Variants in BARX2 observed in about 807,000 individuals in gnomAD.
The protein encoded by BARX2 is BARX homeobox 2.
Under a neutral mutation model 25.5 loss-of-function variants are expected in BARX2, and 11 were observed. That is an observed-to-expected ratio of 0.43 (90% CI 0.27 to 0.71). The LOEUF is 0.71. BARX2 is among the 30% of genes least tolerant of loss of function. The probability of loss-of-function intolerance (pLI) is 0.19; values close to 1 mark genes in which losing one functional copy is unlikely to be tolerated. For missense variants in BARX2, 360 were observed against 359.9 expected (o/e 1.00, Z 0.00); for synonymous variants, 137 against 149.5 (o/e 0.92, Z 0.61).
intron 1 of BARX2, among the ~76,000 whole-genome samples, chr11:129,424,314 A>C (rs948223665): frequency 1.3e-5 from 2 of 152,200 alleles, no homozygotes; most frequent in Admixed American, 1.3e-4. Flanking sequence ...TCAAACTGTA[A>C]GCCTCATGTT....
chr11:129,435,891 A>G (rs916925108), intron 1 of BARX2, among the ~76,000 whole-genome samples: 3 of 152,218 alleles, frequency 2.0e-5, no homozygotes, highest in Non-Finnish European at 4.4e-5. Context: ...TATAACTGGT[A>G]TGTATGCCAC....
chr11:129,451,026 T>G, intron 3 of BARX2, 110 bp from the exon 4 acceptor site: 2 of 1,393,342 alleles, frequency 1.4e-6, no homozygotes, highest in Non-Finnish European at 2.0e-6. Flanking sequence ...ATCCTGCAAT[T>G]TCACTGCTGG....
intron 1 of BARX2, among the ~76,000 whole-genome samples, chr11:129,416,058 G>A (rs780476715): frequency 2.0e-5 from 3 of 152,208 alleles, no homozygotes; most frequent in Non-Finnish European, 4.4e-5. Flanking sequence ...ACTTTTATAG[G>A]AAAGGTTGGA....
intron 2 of BARX2, among the ~76,000 whole-genome samples, chr11:129,440,795 G>T (rs767887930): frequency 6.6e-6 from 1 of 152,182 alleles, no homozygotes; most frequent in Non-Finnish European, 1.5e-5. Flanking sequence ...ATCTCCCCAG[G>T]TGGAGAGCTG....
chr11:129,451,645 A>G lies in BARX2; in HGVS notation c.*243A>G, dbSNP rs972859222. Reference sequence around the variant, plus strand: ...AGCTGTGGATGCCCTTGATTAAGGGAGAGAGCGCCTAGGAGCTGCCTGCCC... The same window carrying G: ...AGCTGTGGATGCCCTTGATTAAGGGGGAGAGCGCCTAGGAGCTGCCTGCCC... On this transcript the variant is annotated 3_prime_UTR_variant, in exon 4 of 4. Transcript: ENST00000281437. The G allele has an allele frequency of 5.6e-6, 3 of 533,898 alleles. No individual in the cohort carries two copies. The highest frequency in any genetic ancestry group is 9.9e-6 in the Non-Finnish European group (3 of 303,956). 33.1% of individuals were successfully genotyped at this position (533,898 alleles called of 1,614,324 possible).
chr11:129,396,311 A>G (rs1196089086), intron 1 of BARX2, among the ~76,000 whole-genome samples: 1 of 151,300 alleles, frequency 6.6e-6, no homozygotes, highest in Non-Finnish European at 1.5e-5. Flanking sequence ...CTCTTACTTG[A>G]CGTCTCCCTG....
chr11:129,444,969 C>G (rs1862306726), intron 3 of BARX2, among the ~76,000 whole-genome samples: 1 of 151,868 alleles, frequency 6.6e-6, no homozygotes, highest in Non-Finnish European at 1.5e-5. Flanking sequence ...CCATTGCTCT[C>G]CAGTCTGGGC....
In BARX2 at chr11:129,376,248, T is replaced by TGG. The variant is rs777761628; in HGVS notation, c.187+29_187+30dup. 28 of 1,574,994 alleles carry TGG rather than the reference T, an allele frequency of 1.8e-5. No homozygotes were observed. The highest frequency in any genetic ancestry group is 2.2e-5 in the Non-Finnish European group (26 of 1,159,896). On this transcript the variant is annotated intron_variant, in intron 1 of 3. Transcript: ENST00000281437. The surrounding 1 kb of genome is among the most constrained non-coding windows in gnomAD (Gnocchi z 4.2). ...GTAAGACGCTCCGCTAGGGGATAAG[T>TGG]GGGGTTCGGTAGCTTTCACGTCCGT... is the stretch of plus-strand genomic sequence containing the variant.
At chr11:129,375,258 G>A (rs1431625426), upstream of BARX2, among the ~76,000 whole-genome samples, 1 of 152,184 alleles carries the variant, frequency 6.6e-6, no homozygotes, top group Non-Finnish European at 1.5e-5. This position sits in a 1 kb window ranked among gnomAD's most constrained non-coding sequence, Gnocchi z 4.0. Context: ...GACTGCGAGT[G>A]GAGGGCTTGG....
At chr11:129,438,010 G>A (rs1200086993) in intron 2 of BARX2, 1 of 146,106 alleles carries the variant, frequency 6.8e-6, no homozygotes, top group Non-Finnish European at 1.5e-5. Flanking sequence ...CACTCTAGGC[G>A]AGACCCTGTC....
chr11:129,436,756 C>T lies in BARX2; in HGVS notation c.193C>T (p.Pro65Ser). 1 of 1,570,372 alleles carries T rather than the reference C, an allele frequency of 6.4e-7. No individual in the cohort carries two copies. Among genetic ancestry groups the T allele is most frequent in the African/African-American group, 1.4e-5 (1 of 73,780 alleles). ...PKPLHSCTGS[P>S]SLRAYPLLSV... ...CCTCCCTGCTTGTTTTCCAGGCTCC[C>T]CTTCCCTGCGGGCATATCCGCTCCT... Residue 65 changes from proline (P) to serine (S), a missense_variant, in exon 2 of 4, where the codon CCT becomes TCT. Coordinates refer to ENST00000281437, the MANE Select transcript of BARX2 (RefSeq NM_003658.5). The surrounding 1 kb of genome is among the most constrained non-coding windows in gnomAD (Gnocchi z 4.5).
intron 1 of BARX2, among the ~76,000 whole-genome samples, chr11:129,404,217 C>T (rs1399193122): frequency 6.6e-6 from 1 of 152,212 alleles, no homozygotes; most frequent in Non-Finnish European, 1.5e-5. Context: ...GTTGCCACGT[C>T]CTGAAGAAAA....
intron 1 of BARX2, among the ~76,000 whole-genome samples, chr11:129,431,994 A>T (rs1862134914): frequency 6.6e-6 from 1 of 151,196 alleles, no homozygotes; most frequent in Non-Finnish European, 1.5e-5. Context: ...ATTTATTTTT[A>T]TTTTTATTTT....
At chr11:129,380,007 G>T (rs1337327234) in intron 1 of BARX2, among the ~76,000 whole-genome samples, 1 of 151,886 alleles carries the variant, frequency 6.6e-6, no homozygotes, top group Non-Finnish European at 1.5e-5. Context: ...TAGACCTACA[G>T]AGCTGGAGAG....
At chr11:129,424,395 G>A (rs901152772) in intron 1 of BARX2, among the ~76,000 whole-genome samples, 2 of 152,074 alleles carry the variant, frequency 1.3e-5, no homozygotes, top group African/African-American at 2.4e-5. Context: ...CAGTCACCTC[G>A]AGCGTCTTGA....
chr11:129,409,628 T>G (rs1342466690), intron 1 of BARX2, among the ~76,000 whole-genome samples: 1 of 152,226 alleles, frequency 6.6e-6, no homozygotes, highest in East Asian at 1.9e-4. Context: ...TAGAGAAACT[T>G]TTACCAGTAG....
Position 129,376,067 on chromosome 11 carries a change from C to T in BARX2, c.32C>T (p.Ser11Leu), listed in dbSNP as rs775782443. 20 of 1,605,712 alleles carry T rather than the reference C, an allele frequency of 1.2e-5. No homozygotes were observed. Among genetic ancestry groups the T allele is most frequent in the Non-Finnish European group, 1.6e-5 (19 of 1,176,808 alleles). The stretch of plus-strand genomic sequence containing the variant: ...TGCCACGCCGAGCTGAGGCTGAGCT[C>T]GCCCGGCCAGCTCAAAGCAGCCAGG... MHCHAELRLS[S>L]PGQLKAARRR... The change falls in exon 1 of 4, where the codon TCG becomes TTG. Residue 11 changes from serine to leucine, a missense_variant. This residue lies in a region of BARX2 where 240 missense variants were observed against 228.7 expected (regional missense o/e 1.05). Transcript: ENST00000281437. This position sits in a 1 kb window ranked among gnomAD's most constrained non-coding sequence, Gnocchi z 4.2.
At chr11:129,385,205 T>G (rs143995625) in intron 1 of BARX2, among the ~76,000 whole-genome samples, 220 of 152,290 alleles carry the variant, frequency 1.4e-3, no homozygotes, top group African/African-American at 5.2e-3. Flanking sequence ...GCGGGAGTGC[T>G]GTATGGTACG....
chr11:129,377,595 T>A (rs1861516660), intron 1 of BARX2, among the ~76,000 whole-genome samples: 1 of 152,342 alleles, frequency 6.6e-6, no homozygotes, highest in South Asian at 2.1e-4. Flanking sequence ...TGAGAACTGA[T>A]ATTTTTACAT....
Sources: gnomAD v4.1 joint callset for allele counts (sites outside exome capture counted in the v4.1 genomes callset) on GRCh38, gnomAD v4.1.1 for gene constraint, gnomAD v4.1.1 regional missense constraint, Gnocchi (gnomAD v3.1) non-coding constraint, MANE v1.5 for transcripts, NCBI Gene and HGNC (gene_info 2026-07-23, HGNC 2026-07-21) for gene names.